Variants in ITGA9 observed in about 807,000 individuals in gnomAD.
The protein encoded by ITGA9 is integrin alpha-9.
A neutral mutation model predicts 127.8 loss-of-function variants in ITGA9; 56 were observed. The observed-to-expected ratio is 0.44, with a 90% confidence interval of 0.35 to 0.55. The LOEUF is 0.55. ITGA9 is among the 20% of genes least tolerant of loss of function. ITGA9 has a pLI of 0.00. For synonymous variants in ITGA9, 508 were observed against 514.5 expected (o/e 0.99, Z 0.17); for missense variants, 1,196 against 1,347.1 (o/e 0.89, Z 1.76).
At chr3:37,755,626 A>G (rs1476675411) in intron 23 of ITGA9, among the ~76,000 whole-genome samples, 1 of 152,272 alleles carries the variant, frequency 6.6e-6, no homozygotes, top group Non-Finnish European at 1.5e-5. Context: ...TAGAATAAAT[A>G]TTAAAGAATA....
At chr3:37,781,260 A>C (rs1383921811) in intron 25 of ITGA9, among the ~76,000 whole-genome samples, 1 of 152,212 alleles carries the variant, frequency 6.6e-6, no homozygotes, top group Non-Finnish European at 1.5e-5. Context: ...AAGGTTGGCT[A>C]ACCTTTTCTG....
intron 16 of ITGA9, among the ~76,000 whole-genome samples, chr3:37,631,016 GA>G (rs144130387): frequency 0.018 from 2,777 of 152,314 alleles, 33 homozygotes; most frequent in Non-Finnish European, 0.028. Context: ...GGGAAGTGGG[GA>G]GAAGAGGTTG....
chr3:37,632,796 A>G (rs1287143723), intron 16 of ITGA9, among the ~76,000 whole-genome samples: 1 of 152,218 alleles, frequency 6.6e-6, no homozygotes, highest in Non-Finnish European at 1.5e-5. Context: ...TTTATAAGCA[A>G]GATTAGAAAC....
intron 16 of ITGA9, among the ~76,000 whole-genome samples, chr3:37,631,526 G>A (rs1356586359): frequency 1.3e-5 from 2 of 152,182 alleles, no homozygotes; most frequent in Non-Finnish European, 2.9e-5. Flanking sequence ...TTATAAATGA[G>A]TAGATCGGAA....
chr3:37,621,387 G>A (rs1293999906), intron 15 of ITGA9, among the ~76,000 whole-genome samples: 2 of 152,168 alleles, frequency 1.3e-5, no homozygotes, highest in Admixed American at 6.5e-5. Context: ...GCACTCTTTC[G>A]TTGTTCCCCC....
intron 4 of ITGA9, among the ~76,000 whole-genome samples, chr3:37,486,010 A>G (rs926636498): frequency 1.3e-5 from 2 of 152,252 alleles, no homozygotes; most frequent in African/African-American, 4.8e-5. Flanking sequence ...AGCACTATAA[A>G]ACATTAATTA....
chr3:37,496,250 G>A (rs1698726743), intron 5 of ITGA9, among the ~76,000 whole-genome samples: 2 of 152,168 alleles, frequency 1.3e-5, no homozygotes, highest in South Asian at 4.1e-4. Context: ...AATAGGAGAT[G>A]CTACCCTCCA....
chr3:37,540,221 G>A (rs1048586092), intron 14 of ITGA9, among the ~76,000 whole-genome samples: 1 of 152,170 alleles, frequency 6.6e-6, no homozygotes, highest in African/African-American at 2.4e-5. Flanking sequence ...CATTCACCTG[G>A]GAAGGAGGCT....
chr3:37,555,946 T>C (rs1457287084), intron 15 of ITGA9, among the ~76,000 whole-genome samples: 1 of 152,210 alleles, frequency 6.6e-6, no homozygotes, highest in Middle Eastern at 3.2e-3. Context: ...GTGCAGAGGA[T>C]GGAAGTGGTA....
chr3:37,477,331 G>T (rs1698504153), intron 3 of ITGA9, among the ~76,000 whole-genome samples: 1 of 152,164 alleles, frequency 6.6e-6, no homozygotes, highest in African/African-American at 2.4e-5. Flanking sequence ...GGTGTCTGGT[G>T]CTGATAGAAA....
intron 17 of ITGA9, among the ~76,000 whole-genome samples, chr3:37,658,134 G>A (rs913860956): frequency 2.6e-5 from 4 of 152,196 alleles, no homozygotes; most frequent in Non-Finnish European, 4.4e-5. Context: ...TAGAATAAGT[G>A]TGATGAGGTA....
intron 20 of ITGA9, among the ~76,000 whole-genome samples, chr3:37,737,882 T>C (rs1287310446): frequency 1.3e-5 from 2 of 152,216 alleles, no homozygotes; most frequent in Non-Finnish European, 2.9e-5. Context: ...ATCATCCTCT[T>C]TCTATATAAT....
At chr3:37,711,518 C>A (rs1407413085) in intron 18 of ITGA9, among the ~76,000 whole-genome samples, 1 of 152,210 alleles carries the variant, frequency 6.6e-6, no homozygotes, top group Non-Finnish European at 1.5e-5. Context: ...ATCCTTCCAC[C>A]TCAGCCTCTG....
At chr3:37,759,820 G>A (rs1385841012) in intron 23 of ITGA9, among the ~76,000 whole-genome samples, 1 of 151,840 alleles carries the variant, frequency 6.6e-6, no homozygotes, top group Non-Finnish European at 1.5e-5. Context: ...CAGGAGAATC[G>A]CTTGAACCCG....
chr3:37,493,417 G>A (rs1698692462), intron 4 of ITGA9, among the ~76,000 whole-genome samples: 1 of 152,206 alleles, frequency 6.6e-6, no homozygotes, highest in African/African-American at 2.4e-5. Context: ...GCCTGAGGGT[G>A]CCCAGGAGTG....
intron 17 of ITGA9, among the ~76,000 whole-genome samples, chr3:37,666,305 C>T (rs909260945): frequency 1.3e-5 from 2 of 152,216 alleles, no homozygotes; most frequent in African/African-American, 4.8e-5. Flanking sequence ...AGGAAGTACA[C>T]AGGGAAGCCT....
At chr3:37,525,981 T>C in intron 12 of ITGA9, 45 bp from the exon 13 acceptor site, 1 of 1,585,500 alleles carries the variant, frequency 6.3e-7, no homozygotes, top group Non-Finnish European at 8.7e-7. Flanking sequence ...CGGTTGTGTA[T>C]GGGCTTCAGC....
intron 18 of ITGA9, among the ~76,000 whole-genome samples, chr3:37,699,635 G>T (rs185578936): frequency 1.8e-4 from 28 of 152,292 alleles, no homozygotes; most frequent in African/African-American, 6.5e-4. Context: ...CCTTTGCTCA[G>T]AAGTCTCCAG....
intron 17 of ITGA9, among the ~76,000 whole-genome samples, chr3:37,664,211 T>TAA (rs1700563614): frequency 6.6e-6 from 1 of 152,052 alleles, no homozygotes; most frequent in Non-Finnish European, 1.5e-5. Flanking sequence ...AGACCTTGGG[T>TAA]AAAAAGTCTT....
Sources: allele counts gnomAD v4.1 joint callset (sites outside exome capture counted in the v4.1 genomes callset), GRCh38; gene constraint gnomAD v4.1.1; transcripts MANE v1.5; gene names NCBI Gene and HGNC (gene_info 2026-07-23, HGNC 2026-07-21).